CCDC88C: variants seen among roughly 807,000 people sequenced by gnomAD.
CCDC88C encodes the protein protein Daple.
Under a neutral mutation model 198.8 loss-of-function variants are expected in CCDC88C, and 131 were observed. That is an observed-to-expected ratio of 0.66 (90% CI 0.57 to 0.76). CCDC88C has a LOEUF of 0.76. Ranked by LOEUF, CCDC88C falls within the 30% of genes least tolerant of loss-of-function variation. The pLI, the probability that CCDC88C is intolerant of heterozygous loss-of-function variation, is 0.00. For missense variants in CCDC88C, 2,553 were observed against 2,631.6 expected, an observed-to-expected ratio of 0.97 and a Z score of 0.65; for synonymous variants, 1,166 against 1,114.7, an observed-to-expected ratio of 1.05 and a Z score of -0.92.
intron 2 of CCDC88C, among the ~76,000 whole-genome samples, chr14:91,409,486 ATTTC>A (rs1350401958): frequency 8.9e-6 from 1 of 112,352 alleles, no homozygotes; most frequent in Non-Finnish European, 1.8e-5. Flanking sequence ...AAAACGGTAC[ATTTC>A]TTTTTTTTTT....
chr14:91,414,509 CT>C (rs1886946692), intron 2 of CCDC88C, among the ~76,000 whole-genome samples: 1 of 152,226 alleles, frequency 6.6e-6, no homozygotes, highest in Non-Finnish European at 1.5e-5. Context: ...TCCAGCCACT[CT>C]GCAGGACATT....
At chr14:91,299,900 T>C (rs1891190812) in intron 21 of CCDC88C, 27 bp downstream of exon 21, 3 of 1,561,506 alleles carry the variant, frequency 1.9e-6, no homozygotes, top group Non-Finnish European at 2.6e-6. Flanking sequence ...GGTGCTGCTA[T>C]GTGCAGGGCC....
At chr14:91,348,779 G>C (rs1386124059) in intron 4 of CCDC88C, among the ~76,000 whole-genome samples, 1 of 152,168 alleles carries the variant, frequency 6.6e-6, no homozygotes, top group African/African-American at 2.4e-5. Context: ...AAACTCTTTG[G>C]TGATGAACAG....
intron 3 of CCDC88C, among the ~76,000 whole-genome samples, chr14:91,384,725 C>T (rs899951236): frequency 3.9e-5 from 6 of 152,160 alleles, no homozygotes; most frequent in Non-Finnish European, 7.4e-5. Flanking sequence ...TGGTGCAGGG[C>T]CAGCTGGGGA....
Position 91,406,834 on chromosome 14 carries a change from G to C in CCDC88C, c.270+1825C>G, listed in dbSNP as rs1338832646. On this transcript the variant is annotated intron_variant, in intron 3 of 29. Transcript: ENST00000389857. The stretch of plus-strand genomic sequence containing the variant: ...GCCAGCAGAAATGCCCCTGCCTATA[G>C]CATACACCATGCTGAGTGTGGCTCC... Among the ~76,000 whole-genome samples the C allele has an allele frequency of 3.9e-5, 6 of 152,216 alleles. No individual in the cohort carries two copies. The East Asian group carries it at 1.2e-3, about 29-fold the overall frequency.
At position 91,293,498 on chromosome 14, in the gene CCDC88C, A is replaced by G. The variant is rs369583483; in HGVS notation, c.4112+675T>C. Among the ~76,000 whole-genome samples, 20 of 101,142 alleles carry G rather than the reference A, an allele frequency of 2.0e-4. 1 individual carries two copies. Among genetic ancestry groups the G allele is most frequent in the Admixed American group, 3.7e-4 (3 of 8,190 alleles). 66.4% of individuals were successfully genotyped at this position (101,142 alleles called of 152,430 possible). A position where few individuals can be genotyped will look rare whatever the true frequency, so the allele number is the denominator to read the frequency against. ...TGCCACAGCTCACCTTCCCATCCTC[A>G]CCTGCCACGGCCTACCTTCCTGTCC... On this transcript the variant is annotated intron_variant, in intron 23 of 29. Transcript: ENST00000389857.
chr14:91,305,686 T>C, intron 19 of CCDC88C, 79 bp downstream of exon 19: 1 of 1,413,654 alleles, frequency 7.1e-7, no homozygotes, highest in East Asian at 2.3e-5. Flanking sequence ...GGAGTCCTAA[T>C]GCCCCCAGTT....
intron 2 of CCDC88C, among the ~76,000 whole-genome samples, chr14:91,409,601 C>T (rs1168082102): frequency 2.0e-5 from 3 of 151,748 alleles, no homozygotes; most frequent in Non-Finnish European, 2.9e-5. Context: ...GATTCTCCCA[C>T]CTCAGCCTCC....
In CCDC88C at chr14:91,278,410, T is replaced by TTGAG. The variant is rs1158432030; in HGVS notation, c.4769-203_4769-200dup. On this transcript the variant is annotated intron_variant, in intron 28 of 29. Coordinates refer to ENST00000389857, the MANE Select transcript of CCDC88C (RefSeq NM_001080414.4). The stretch of plus-strand genomic sequence containing the variant: ...ACTTTGGCTTTAAAAACAAAATACT[T>TTGAG]TGAGATAAAAGTGGAAAGCTTCTGC... Among the ~76,000 whole-genome samples, 34 of 152,272 alleles carry TTGAG rather than the reference T, an allele frequency of 2.2e-4. 1 individual carries two copies. Among genetic ancestry groups the TTGAG allele is most frequent in the East Asian group, 1.5e-3 (8 of 5,192 alleles).
chr14:91,391,758 G>A (rs569078845), intron 3 of CCDC88C, among the ~76,000 whole-genome samples: 1 of 152,256 alleles, frequency 6.6e-6, no homozygotes, highest in East Asian at 1.9e-4. Flanking sequence ...CAGCCTGGGT[G>A]ACAGAGCAAG....
At position 91,408,745 on chromosome 14, in the gene CCDC88C, G is replaced by A. The variant is rs767068265; in HGVS notation, c.184C>T (p.Arg62Cys). Residue 62 changes from arginine (R) to cysteine (C), a missense_variant, in exon 3 of 30, where the codon CGC becomes TGC. This residue lies in a region of CCDC88C where 1,260 missense variants were observed against 1,412.0 expected (regional missense o/e 0.89). Coordinates refer to ENST00000389857, the MANE Select transcript of CCDC88C (RefSeq NM_001080414.4). ...LQIDPRPTNQ[R>C]INKHVNNDVN... ...TCATTGTTGACGTGCTTATTGATGC[G>A]TTGATTTGTGGGCCTGGGATCTCTA... 1.5e-5 allele frequency: 24 copies of A among 1,613,344 alleles called. No homozygotes were observed. The Admixed American group carries it at 1.7e-4, about 11-fold the overall frequency.
In CCDC88C at chr14:91,300,851, C is replaced by T. The variant is rs1000662831; in HGVS notation, c.3636-781G>A. 7.2e-5 allele frequency among the ~76,000 whole-genome samples: 11 copies of T among 152,302 alleles called. No homozygotes were observed. In the East Asian group the frequency reaches 2.1e-3, roughly 29 times the overall value. On this transcript the variant is annotated intron_variant, in intron 20 of 29. Coordinates refer to ENST00000389857, the MANE Select transcript of CCDC88C (RefSeq NM_001080414.4). Reference sequence around the variant, plus strand: ...CAACCTCGTGTGTTCACGGGTGACCCAGGATCTCCTAGCAGACTGGAAGTG... The same window carrying T: ...CAACCTCGTGTGTTCACGGGTGACCTAGGATCTCCTAGCAGACTGGAAGTG...
intron 3 of CCDC88C, among the ~76,000 whole-genome samples, chr14:91,361,307 C>T (rs991795881): frequency 4.6e-5 from 7 of 152,074 alleles, no homozygotes; most frequent in African/African-American, 1.7e-4. Context: ...GCATAACATG[C>T]GGAATCTCTA....
intron 20 of CCDC88C, among the ~76,000 whole-genome samples, chr14:91,302,540 TAATG>T (rs749091135): frequency 2.0e-5 from 3 of 152,024 alleles, no homozygotes; most frequent in Non-Finnish European, 4.4e-5. Flanking sequence ...TTGGCTGACT[TAATG>T]AATACAAAAC....
In CCDC88C at chr14:91,326,013, A is replaced by G. The variant is rs1316889483; in HGVS notation, c.1094T>C (p.Met365Thr). The G allele has an allele frequency of 2.5e-6, 4 of 1,606,344 alleles. No individual in the cohort carries two copies. Among genetic ancestry groups the G allele is most frequent in the Non-Finnish European group, 1.7e-6 (2 of 1,176,262 alleles). The stretch of plus-strand genomic sequence containing the variant: ...AGCAGCAGTCAGCTGTTCCTCCAGC[A>G]TGGCCTTGGTTTCAATTAAAATGAT... Reference protein sequence around the residue: ...DNIILIETKAMLEEQLTAARA... With the variant: ...DNIILIETKATLEEQLTAARA... The change falls in exon 11 of 30, where the codon ATG becomes ACG. Residue 365 changes from methionine to threonine, a missense_variant. By Grantham distance (81) the Met-to-Thr change is moderately conservative. This residue lies in a region of CCDC88C where 1,260 missense variants were observed against 1,412.0 expected (regional missense o/e 0.89). Coordinates refer to ENST00000389857, the MANE Select transcript of CCDC88C (RefSeq NM_001080414.4).
intron 10 of CCDC88C, among the ~76,000 whole-genome samples, chr14:91,326,596 G>C (rs1892595380): frequency 6.6e-6 from 1 of 152,192 alleles, no homozygotes; most frequent in African/African-American, 2.4e-5. Flanking sequence ...GATAGGCTGG[G>C]AATAGTGCCA....
At chr14:91,340,635 G>A (rs1185193031) in intron 6 of CCDC88C, among the ~76,000 whole-genome samples, 1 of 152,066 alleles carries the variant, frequency 6.6e-6, no homozygotes, top group African/African-American at 2.4e-5. Context: ...TCTGCCACAG[G>A]AGACAGGATC....
chr14:91,338,513 C>T lies in CCDC88C; in HGVS notation c.867G>A (p.Leu289=). 4.5e-6 allele frequency: 7 copies of T among 1,570,874 alleles called. No individual in the cohort carries two copies. The highest frequency in any genetic ancestry group is 6.0e-6 in the Non-Finnish European group (7 of 1,158,388). Residue 289 remains leucine (L), a synonymous_variant, in exon 9 of 30, where the codon CTG becomes CTA. Transcript: ENST00000389857. The surrounding 1 kb of genome is among the most constrained non-coding windows in gnomAD (Gnocchi z 4.8). ...DTRHEVDQLV[L]ELQKVKQENI... is the part of the protein sequence containing the mutation. ...CCTCCTGCTTAACTTTCTGCAGTTC[C>T]AGCACCAGCTGGTCCACCTCATGTC...
intron 19 of CCDC88C, among the ~76,000 whole-genome samples, chr14:91,305,192 C>T (rs1198186962): frequency 6.6e-6 from 1 of 152,106 alleles, no homozygotes; most frequent in Non-Finnish European, 1.5e-5. Context: ...AGTGAGACTC[C>T]ATCTCAAAAC....
Sources: gnomAD v4.1 joint callset for allele counts (sites outside exome capture counted in the v4.1 genomes callset) on GRCh38, gnomAD v4.1.1 for gene constraint, gnomAD v4.1.1 regional missense constraint, Gnocchi (gnomAD v3.1) non-coding constraint, MANE v1.5 for transcripts, NCBI Gene and HGNC (gene_info 2026-07-23, HGNC 2026-07-21) for gene names.